Variants in HYLS1 observed in about 807,000 individuals in gnomAD.
The protein encoded by HYLS1 is HYLS1 centriolar and ciliogenesis associated.
A neutral mutation model predicts 29.4 loss-of-function variants in HYLS1; 25 were observed. That is an observed-to-expected ratio of 0.85 (90% CI 0.62 to 1.19). The LOEUF is 1.19. Ranked by LOEUF, HYLS1 falls within the 50% of genes most tolerant of loss-of-function variation. The probability of loss-of-function intolerance (pLI) is 0.00; values close to 1 mark genes in which losing one functional copy is unlikely to be tolerated. For synonymous variants in HYLS1, 128 were observed against 126.7 expected, an observed-to-expected ratio of 1.01 and a Z score of -0.07; for missense variants, 352 against 365.1, an observed-to-expected ratio of 0.96 and a Z score of 0.29.
At chr11:125,895,593 T>C in intron 2 of HYLS1, 1 of 1,614,230 alleles carries the variant, frequency 6.2e-7, no homozygotes. Flanking sequence ...GTAAGTCCGC[T>C]CAAGGCAGCT....
Position 125,899,540 on chromosome 11 carries a change from C to T in HYLS1, c.172C>T (p.Pro58Ser). ...TCCCTACAGTAAAGCTTCAGTAGCC[C>T]CAGGGAAGCGACCTGCTCTTCCTGT... ...YDPYSKASVAPGKRPALPVQL... is the reference protein window; with the variant it reads ...YDPYSKASVASGKRPALPVQL... The change falls in exon 3 of 3, where the codon CCA becomes TCA. Residue 58 changes from proline (P) to serine (S), a missense_variant. Coordinates refer to ENST00000425380, the MANE Select transcript of HYLS1 (RefSeq NM_001134793.2). The T allele has an allele frequency of 6.2e-7, 1 of 1,614,124 alleles. No individual in the cohort carries two copies. The highest frequency in any genetic ancestry group is 1.1e-5 in the South Asian group (1 of 91,074).
At position 125,900,510 on chromosome 11, in the gene HYLS1, T is replaced by C. The variant is rs1248898322; in HGVS notation, c.*242T>C. 2.0e-6 allele frequency: 1 copy of C among 501,796 alleles called. No individual in the cohort carries two copies. The highest frequency in any genetic ancestry group is 3.5e-5 in the Admixed American group (1 of 28,656). The allele number at this position is 501,796 out of a possible 1,614,324, so 31.1% of individuals were successfully genotyped here. On this transcript the variant is annotated 3_prime_UTR_variant, in exon 3 of 3. Transcript: ENST00000425380. The stretch of plus-strand genomic sequence containing the variant: ...GAGAAAGAACAACAGACCTGGTCTT[T>C]CTATTTTGTCAAATTAGTAAGGGCC...
intron 1 of HYLS1, among the ~76,000 whole-genome samples, chr11:125,889,196 G>C (rs184223786): frequency 5.9e-5 from 9 of 152,240 alleles, no homozygotes; most frequent in African/African-American, 1.9e-4. Context: ...GTGTCGATAC[G>C]CATTACCATT....
upstream of HYLS1, among the ~76,000 whole-genome samples, chr11:125,885,122 G>A (rs865793017): frequency 6.6e-6 from 1 of 152,122 alleles, no homozygotes; most frequent in African/African-American, 2.4e-5. Context: ...TGTATTAAAC[G>A]TTTTCAAAGA....
chr11:125,899,043 A>G (rs1230147161), intron 2 of HYLS1: 14 of 289,506 alleles, frequency 4.8e-5, no homozygotes, highest in Non-Finnish European at 7.2e-5. Flanking sequence ...ATTAAGCAGT[A>G]TGCCCCATAT....
intron 1 of HYLS1, among the ~76,000 whole-genome samples, chr11:125,889,204 A>G (rs1333869914): frequency 2.0e-5 from 3 of 152,176 alleles, no homozygotes; most frequent in Admixed American, 1.3e-4. Context: ...ACGCATTACC[A>G]TTTTTAATGG....
chr11:125,896,303 A>G, intron 2 of HYLS1: 2 of 1,588,976 alleles, frequency 1.3e-6, no homozygotes. Flanking sequence ...AACCCCAGGA[A>G]TAAACGAACC....
Position 125,896,012 on chromosome 11 carries a change from C to A in HYLS1, c.-25-3332C>A, listed in dbSNP as rs778490543. 4 of 1,614,190 alleles carry A rather than the reference C, an allele frequency of 2.5e-6. No homozygotes were observed. The Admixed American group carries it at 5.0e-5, about 20-fold the overall frequency. On this transcript the variant is annotated intron_variant, in intron 2 of 2. Transcript: ENST00000425380. ...TCTTGGTTAGAGCTTCAAACAGTTT[C>A]TCTTCAATGGTATTATTTGTGTTTT...
intron 2 of HYLS1, among the ~76,000 whole-genome samples, chr11:125,892,015 T>G (rs890337852): frequency 1.3e-5 from 2 of 152,218 alleles, no homozygotes; most frequent in African/African-American, 4.8e-5. Flanking sequence ...TTTGTATACC[T>G]GAAGTCTTGA....
intron 1 of HYLS1, among the ~76,000 whole-genome samples, chr11:125,891,106 T>C (rs573043633): frequency 1.3e-5 from 2 of 152,356 alleles, no homozygotes; most frequent in East Asian, 3.9e-4. Context: ...ACTTCGGATT[T>C]GTACAAATGC....
At chr11:125,885,432 CAG>C (rs1479311316), upstream of HYLS1, among the ~76,000 whole-genome samples, 1 of 151,350 alleles carries the variant, frequency 6.6e-6, no homozygotes, top group African/African-American at 2.4e-5. Flanking sequence ...GCCTGGGCTA[CAG>C]AGAGAGACTC....
At chr11:125,895,732 T>A in intron 2 of HYLS1, 1 of 1,612,412 alleles carries the variant, frequency 6.2e-7, no homozygotes, top group Non-Finnish European at 8.5e-7. Context: ...TCTTTTACAT[T>A]AAAGTCCTCG....
rs530421308 is a variant in HYLS1 at position 125,890,626 on chromosome 11, G to C, written c.-75-797G>C. ...TGTAACTAGCTAACCCTAGGATGCT[G>C]AGTCACTAAGACTTTTGAAGAGAAG... On this transcript the variant is annotated intron_variant, in intron 1 of 2. Coordinates refer to ENST00000425380, the MANE Select transcript of HYLS1 (RefSeq NM_001134793.2). Among the ~76,000 whole-genome samples, 9 of 152,294 alleles carry C rather than the reference G, an allele frequency of 5.9e-5. No individual in the cohort carries two copies. In the South Asian group the frequency reaches 1.0e-3, roughly 18 times the overall value.
At chr11:125,886,701 C>T (rs1035939148), upstream of HYLS1, among the ~76,000 whole-genome samples, 1 of 150,746 alleles carries the variant, frequency 6.6e-6, no homozygotes, top group Non-Finnish European at 1.5e-5. Context: ...CTTTGGGAGG[C>T]CGAGGGGGTA....
intron 1 of HYLS1, among the ~76,000 whole-genome samples, chr11:125,889,593 C>T (rs1024160086): frequency 1.3e-5 from 2 of 151,980 alleles, no homozygotes; most frequent in African/African-American, 4.8e-5. Context: ...AAAAATTAGC[C>T]GGGCGTGGTG....
At chr11:125,887,619 T>C (rs1944328103), upstream of HYLS1, 1 of 152,286 alleles carries the variant, frequency 6.6e-6, no homozygotes, top group African/African-American at 2.4e-5. Context: ...TCTCCGGATT[T>C]AAACCTCAGC....
Position 125,899,839 on chromosome 11 carries a change from A to G in HYLS1, c.471A>G (p.Pro157=). The change falls in exon 3 of 3, where the codon CCA becomes CCG. Residue 157 remains proline (P), a synonymous_variant. Coordinates refer to ENST00000425380, the MANE Select transcript of HYLS1 (RefSeq NM_001134793.2). The part of the protein sequence containing the change: ...SFDVSQKFNL[P]HEYQGISQDQ... ...ATGTTTCACAAAAATTTAACCTACC[A>G]CATGAATACCAAGGAATTTCTCAAG... The G allele has an allele frequency of 1.2e-6, 2 of 1,614,214 alleles. No individual in the cohort carries two copies. The highest frequency in any genetic ancestry group is 8.5e-7 in the Non-Finnish European group (1 of 1,180,038).
intron 2 of HYLS1, chr11:125,895,577 A>T: frequency 6.2e-7 from 1 of 1,614,260 alleles, no homozygotes. Context: ...GAGGGAAAAA[A>T]TAGCGGTAAG....
At chr11:125,886,633 C>T (rs1394620053), upstream of HYLS1, among the ~76,000 whole-genome samples, 5 of 129,968 alleles carry the variant, frequency 3.8e-5, 1 homozygote, top group Non-Finnish European at 7.9e-5. Flanking sequence ...GTTAAAACAT[C>T]GGGTTTAAAA....
Sources: gnomAD v4.1 joint callset for allele counts (sites outside exome capture counted in the v4.1 genomes callset) on GRCh38, gnomAD v4.1.1 for gene constraint, MANE v1.5 for transcripts, NCBI Gene and HGNC (gene_info 2026-07-23, HGNC 2026-07-21) for gene names.